The following LRRC27 variants were observed in gnomAD, a reference collection of about 807,000 sequenced individuals.
The protein encoded by LRRC27 is leucine-rich repeat-containing protein 27.
LRRC27 carries 57 observed loss-of-function variants against 55.0 expected under a neutral mutation model. That is an observed-to-expected ratio of 1.04 (90% CI 0.84 to 1.29). The LOEUF (loss-of-function observed/expected upper bound fraction) is 1.29. Among genes scored for constraint, LRRC27 ranks in the 50% most tolerant of loss-of-function variants. LRRC27 has a pLI of 0.00. For missense variants in LRRC27, 721 were observed against 651.5 expected (o/e 1.11, Z -1.16); for synonymous variants, 278 against 251.9 (o/e 1.10, Z -0.98).
At chr10:132,331,338 A>G, upstream of LRRC27, 1 of 1,201,576 alleles carries the variant, frequency 8.3e-7, no homozygotes, top group Non-Finnish European at 1.2e-6. Flanking sequence ...GGTGCACGGG[A>G]CTCCAGGGTT....
chr10:132,358,824 AAGGAGCCGAGCTGGTGGAGCAGCGTAGGG>A (rs2068455415), intron 8 of LRRC27, among the ~76,000 whole-genome samples: 3 of 2,506 alleles, frequency 1.2e-3, no homozygotes, highest in African/African-American at 2.8e-3. Flanking sequence ...GGAGCGTGGG[AAGGAGCCGAGCTGGTGGAGCAGCGTAGGG>A]AGGAGCCGAG....
chr10:132,336,864 T>C lies in LRRC27; in HGVS notation c.211-701T>C, dbSNP rs768688097. ...ACAACTAGCAGCATTAATGACAGTATTGTAAAAATTAGCTATGATCCTTCC... is the reference window on the plus strand; with the variant it reads ...ACAACTAGCAGCATTAATGACAGTACTGTAAAAATTAGCTATGATCCTTCC... On this transcript the variant is annotated intron_variant, in intron 2 of 10. Transcript: ENST00000368614. The C allele has an allele frequency of 6.6e-5, 48 of 729,072 alleles. No homozygotes were observed. The East Asian group carries it at 1.2e-3, about 18-fold the overall frequency. 45.2% of individuals were successfully genotyped at this position (729,072 alleles called of 1,614,324 possible). A position where few individuals can be genotyped will look rare whatever the true frequency, so the allele number is the denominator to read the frequency against.
intron 9 of LRRC27, among the ~76,000 whole-genome samples, chr10:132,364,487 TTACACCC>T (rs1564853691): frequency 9.8e-3 from 11 of 1,120 alleles, no homozygotes; most frequent in Non-Finnish European, 0.02. Flanking sequence ...CCACCCACAC[TTACACCC>T]ACCCTTACAT....
chr10:132,330,276 G>A (rs2066623203), upstream of LRRC27: 8 of 587,098 alleles, frequency 1.4e-5, no homozygotes, highest in South Asian at 1.6e-4. Flanking sequence ...ACAAGCAAGA[G>A]GGAATACGCT....
At chr10:132,343,851 G>A (rs1274971917) in intron 4 of LRRC27, among the ~76,000 whole-genome samples, 1 of 152,208 alleles carries the variant, frequency 6.6e-6, no homozygotes, top group East Asian at 1.9e-4. Context: ...TCATTCCGGG[G>A]ACTTCGCCCT....
intron 10 of LRRC27, among the ~76,000 whole-genome samples, chr10:132,371,961 T>C (rs560965341): frequency 6.6e-6 from 1 of 152,364 alleles, no homozygotes; most frequent in South Asian, 2.1e-4. Context: ...CTCGCACATA[T>C]GGAGGCCAGC....
rs1465462903 is a variant in LRRC27, at chr10:132,337,739, T to A, written c.341+44T>A. 5 of 1,602,418 alleles carry A rather than the reference T, an allele frequency of 3.1e-6. No individual in the cohort carries two copies. The Admixed American group carries it at 8.5e-5, about 27-fold the overall frequency. On this transcript the variant is annotated intron_variant, in intron 3 of 10. Transcript: ENST00000368614. ...CAGATTTTAAAAATCATCTTTTCAG[T>A]GCACGAGTGCCTGTTCTTTCGCTCC...
Position 132,348,017 on chromosome 10 carries a change from A to G in LRRC27, c.587A>G (p.Asp196Gly), listed in dbSNP as rs1293003858. The change falls in exon 6 of 11, where the codon GAC (aspartate) becomes GGC (glycine). Residue 196 changes from aspartate to glycine, a missense_variant. Transcript: ENST00000368614. The surrounding 1 kb of genome is among the most constrained non-coding windows in gnomAD (Gnocchi z 4.2). ...APPVREMTLR[D>G]LPSPGLELSG... Reference sequence around the variant, plus strand: ...CCGGTTAGAGAGATGACCCTCCGTGACCTCCCGAGCCCAGGACTGGAGTTG... The same window carrying G: ...CCGGTTAGAGAGATGACCCTCCGTGGCCTCCCGAGCCCAGGACTGGAGTTG... 4 of 1,611,728 alleles carry G rather than the reference A, an allele frequency of 2.5e-6. No individual in the cohort carries two copies. Among genetic ancestry groups the G allele is most frequent in the Non-Finnish European group, 3.4e-6 (4 of 1,179,394 alleles).
In LRRC27 at chr10:132,373,422, C is replaced by A. The variant is rs562987919; in HGVS notation, c.1417-1644C>A. On this transcript the variant is annotated intron_variant, in intron 10 of 10. Transcript: ENST00000368614. Reference sequence around the variant, plus strand: ...ATGCCGGCACCATGGCTCAGCATCCCGAACCAGAGCAGGACGGACCCACGG... The same window carrying A: ...ATGCCGGCACCATGGCTCAGCATCCAGAACCAGAGCAGGACGGACCCACGG... 1.4e-4 allele frequency among the ~76,000 whole-genome samples: 22 copies of A among 152,198 alleles called. No individual in the cohort carries two copies. In the South Asian group the frequency reaches 4.6e-3, roughly 32 times the overall value.
At chr10:132,346,221 G>C (rs964081176) in intron 5 of LRRC27, among the ~76,000 whole-genome samples, 5 of 152,178 alleles carry the variant, frequency 3.3e-5, no homozygotes, top group African/African-American at 1.2e-4. Context: ...CAACTTCTCA[G>C]CGGTGTTATT....
chr10:132,368,394 A>G (rs2133098445), intron 10 of LRRC27, among the ~76,000 whole-genome samples: 1 of 152,348 alleles, frequency 6.6e-6, no homozygotes, highest in African/African-American at 2.4e-5. Context: ...TGGAAAAACA[A>G]AGTCAGAGGA....
rs1233898345 is a variant in LRRC27, at chr10:132,348,169, G to A, written c.739G>A (p.Ala247Thr). Residue 247 changes from alanine to threonine, a missense_variant, in exon 6 of 11, where the codon GCG (alanine) becomes ACG (threonine). Ala to Thr is a moderately conservative substitution (Grantham distance 58, BLOSUM62 0). Transcript: ENST00000368614. This position sits in a 1 kb window ranked among gnomAD's most constrained non-coding sequence, Gnocchi z 4.2. ...AGACCTGAGTGAACTCAGGAAGTCT[G>A]CGGACTCCTCAGAGAACTGGCCCAG... ...KPDLSELRKSADSSENWPSEE... is the reference protein window; with the variant it reads ...KPDLSELRKSTDSSENWPSEE... 1.2e-6 allele frequency: 2 copies of A among 1,614,092 alleles called. No homozygotes were observed. The highest frequency in any genetic ancestry group is 2.2e-5 in the South Asian group (2 of 91,084).
In LRRC27 at chr10:132,351,737, A is replaced by G; in HGVS notation, c.1057A>G (p.Met353Val). The G allele has an allele frequency of 6.2e-7, 1 of 1,612,954 alleles. No individual in the cohort carries two copies. Among genetic ancestry groups the G allele is most frequent in the African/African-American group, 1.3e-5 (1 of 74,956 alleles). Residue 353 changes from methionine to valine, a missense_variant, in exon 7 of 11, where the codon ATG becomes GTG. By Grantham distance (21) the Met-to-Val change is conservative. Transcript: ENST00000368614. ...LRELQEKQALMEQQRREKRAL... is the reference protein window; with the variant it reads ...LRELQEKQALVEQQRREKRAL... ...AGAGCTCCAGGAGAAGCAGGCTCTG[A>G]TGGAGCAGCAGAGACGGTGAGTCCA...
intron 2 of LRRC27, among the ~76,000 whole-genome samples, chr10:132,336,329 G>T (rs1180817378): frequency 5.3e-5 from 8 of 152,204 alleles, no homozygotes; most frequent in African/African-American, 1.7e-4. Flanking sequence ...ACCCATATAC[G>T]TGGGGGCACA....
At chr10:132,354,202 G>A (rs2068200214) in intron 7 of LRRC27, among the ~76,000 whole-genome samples, 1 of 152,232 alleles carries the variant, frequency 6.6e-6, no homozygotes, top group Admixed American at 6.5e-5. Context: ...CACCTTCATG[G>A]AAGAGAAGTT....
chr10:132,351,278 G>A (rs189235916), intron 6 of LRRC27: 42 of 264,224 alleles, frequency 1.6e-4, no homozygotes, highest in East Asian at 1.5e-3. Flanking sequence ...ACAAGGGTGC[G>A]GCATTGGTCT....
intron 6 of LRRC27, among the ~76,000 whole-genome samples, chr10:132,350,211 G>C (rs2067938985): frequency 6.6e-6 from 1 of 152,218 alleles, no homozygotes; most frequent in Admixed American, 6.5e-5. Context: ...GTAAATAATG[G>C]TCTGGTCCTG....
intron 4 of LRRC27, among the ~76,000 whole-genome samples, chr10:132,342,513 G>A (rs189966982): frequency 0.014 from 2,208 of 152,306 alleles, 45 homozygotes; most frequent in South Asian, 0.049. Context: ...CATTGGCGCC[G>A]TCACACAGCT....
At chr10:132,358,621 C>T (rs866941849) in intron 8 of LRRC27, among the ~76,000 whole-genome samples, 2 of 91,852 alleles carry the variant, frequency 2.2e-5, no homozygotes, top group African/African-American at 8.9e-5. Context: ...GGTGGTGGAG[C>T]GTGGGGAGGA....
Sources: gnomAD v4.1 joint callset for allele counts (sites outside exome capture counted in the v4.1 genomes callset) on GRCh38, gnomAD v4.1.1 for gene constraint, Gnocchi (gnomAD v3.1) non-coding constraint, MANE v1.5 for transcripts, NCBI Gene and HGNC (gene_info 2026-07-23, HGNC 2026-07-21) for gene names.